DNAAF4: variants seen among roughly 807,000 people sequenced by gnomAD.
The protein encoded by DNAAF4 is dynein axonemal assembly factor 4.
In DNAAF4, 43 loss-of-function variants were observed where a neutral mutation model predicts 51.8. That is an observed-to-expected ratio of 0.83 (90% CI 0.65 to 1.07). The LOEUF (loss-of-function observed/expected upper bound fraction) is 1.07. Among genes scored for constraint, DNAAF4 ranks in the 50% least tolerant of loss-of-function variants. DNAAF4 has a pLI of 0.00. For synonymous variants in DNAAF4, 194 were observed against 165.6 expected, an observed-to-expected ratio of 1.17 and a Z score of -1.32; for missense variants, 581 against 493.0, an observed-to-expected ratio of 1.18 and a Z score of -1.69.
chr15:55,493,678 T>C (rs1460301695), intron 3 of DNAAF4, among the ~76,000 whole-genome samples: 2 of 152,108 alleles, frequency 1.3e-5, no homozygotes, highest in African/African-American at 4.8e-5. Context: ...AAATAAATAA[T>C]CCCACTGAAT....
intron 1 of DNAAF4, among the ~76,000 whole-genome samples, chr15:55,499,353 C>A (rs1279804971): frequency 6.6e-6 from 1 of 152,184 alleles, no homozygotes; most frequent in African/African-American, 2.4e-5. Flanking sequence ...ATCAACCAAT[C>A]AGAACTAAGT....
Position 55,489,046 on chromosome 15 carries a change from G to A in DNAAF4, c.405+2077C>T, listed in dbSNP as rs144184815. On this transcript the variant is annotated intron_variant, in intron 4 of 9. Coordinates refer to ENST00000321149, the MANE Select transcript of DNAAF4 (RefSeq NM_130810.4). ...AGAGCTTGCAGTGAGCTGAGATTGC[G>A]CCGCTGCACTCCAGCCTGGGCGACT... Among the ~76,000 whole-genome samples the A allele has an allele frequency of 2.4e-4, 37 of 151,084 alleles. 1 individual carries two copies. Among genetic ancestry groups the A allele is most frequent in the Middle Eastern group, 3.4e-3 (1 of 294 alleles).
At chr15:55,426,316 G>C (rs1306858222), downstream of DNAAF4, among the ~76,000 whole-genome samples, 1 of 152,178 alleles carries the variant, frequency 6.6e-6, no homozygotes, top group Non-Finnish European at 1.5e-5. Context: ...TTCTAATCTT[G>C]TGGCTAATTT....
rs1050078111 is a variant in DNAAF4 at position 55,430,590 on chromosome 15, A to G, written c.*80T>C. 2 of 1,518,508 alleles carry G rather than the reference A, an allele frequency of 1.3e-6. 1 individual carries two copies. The highest frequency in any genetic ancestry group is 4.8e-5 in the East Asian group (2 of 41,964). The allele number at this position is 1,518,508 out of a possible 1,614,324, so 94.1% of individuals were successfully genotyped here. A position where few individuals can be genotyped will look rare whatever the true frequency, so the allele number is the denominator to read the frequency against. ...TACTAAACAGAAAGCGATTCTGTAC[A>G]ACTGGCCATAATATGTACAAAGATG... On this transcript the variant is annotated 3_prime_UTR_variant, in exon 10 of 10. Transcript: ENST00000321149.
chr15:55,432,238 T>C (rs1327985325), intron 9 of DNAAF4, among the ~76,000 whole-genome samples: 1 of 152,126 alleles, frequency 6.6e-6, no homozygotes, highest in African/African-American at 2.4e-5. Context: ...GGCATGAGCA[T>C]CTGCACCCAG....
chr15:55,418,236 C>T, intron 7 of DNAAF4: 3 of 1,567,594 alleles, frequency 1.9e-6, no homozygotes, highest in Middle Eastern at 1.7e-4. Flanking sequence ...AAGAAAAGTA[C>T]TTCACCTTCA....
intron 4 of DNAAF4, among the ~76,000 whole-genome samples, chr15:55,485,994 CAAA>C (rs55936805): frequency 7.7e-5 from 6 of 77,710 alleles, no homozygotes; most frequent in African/African-American, 1.3e-4. Context: ...GACTCCATCT[CAAA>C]AAAAAAAAAA....
At chr15:55,433,610 A>G (rs1437283862) in intron 8 of DNAAF4, among the ~76,000 whole-genome samples, 56 of 133,136 alleles carry the variant, frequency 4.2e-4, no homozygotes, top group African/African-American at 1.6e-3. Context: ...TGGGCAACAG[A>G]GCAAGACCTC....
intron 5 of DNAAF4, among the ~76,000 whole-genome samples, chr15:55,454,108 G>A (rs888320747): frequency 2.6e-5 from 4 of 151,600 alleles, no homozygotes; most frequent in African/African-American, 7.3e-5. Flanking sequence ...CAAGATCAGC[G>A]TGGCCAATAT....
intron 7 of DNAAF4, among the ~76,000 whole-genome samples, chr15:55,435,678 G>A (rs1053384597): frequency 6.6e-6 from 1 of 152,146 alleles, no homozygotes; most frequent in Non-Finnish European, 1.5e-5. Context: ...GGGTTTTTTG[G>A]TTACTTGCAA....
intron 1 of DNAAF4, among the ~76,000 whole-genome samples, chr15:55,506,488 C>G (rs2058727838): frequency 6.6e-6 from 1 of 152,132 alleles, no homozygotes; most frequent in African/African-American, 2.4e-5. Flanking sequence ...AGCATCCACC[C>G]TCTTAATTCT....
At chr15:55,468,290 A>G (rs1028354334) in intron 4 of DNAAF4, among the ~76,000 whole-genome samples, 1 of 152,200 alleles carries the variant, frequency 6.6e-6, no homozygotes, top group African/African-American at 2.4e-5. Flanking sequence ...TAATATCTAC[A>G]TGACATAATA....
intron 5 of DNAAF4, among the ~76,000 whole-genome samples, chr15:55,461,137 C>G (rs1057345236): frequency 2.6e-5 from 4 of 151,518 alleles, no homozygotes; most frequent in African/African-American, 7.3e-5. Flanking sequence ...GGTGCAGTCT[C>G]GGCTCACTGC....
intron 5 of DNAAF4, among the ~76,000 whole-genome samples, chr15:55,458,925 A>T (rs780894239): frequency 2.0e-5 from 3 of 151,892 alleles, no homozygotes; most frequent in Non-Finnish European, 4.4e-5. Flanking sequence ...AAAATACAAA[A>T]ATCAGCCAGG....
chr15:55,456,082 CTTT>C (rs772918466), intron 5 of DNAAF4, among the ~76,000 whole-genome samples: 3 of 141,356 alleles, frequency 2.1e-5, no homozygotes, highest in Non-Finnish European at 1.6e-5. Flanking sequence ...CTAAATATTT[CTTT>C]TTTTTTTTTT....
chr15:55,494,982 T>C (rs1449983682), intron 3 of DNAAF4: 3 of 152,122 alleles, frequency 2.0e-5, no homozygotes, highest in Admixed American at 6.5e-5. Flanking sequence ...AGAGACCATA[T>C]GGCCTGTGAA....
At chr15:55,473,297 GTATA>G (rs1369798691) in intron 4 of DNAAF4, among the ~76,000 whole-genome samples, 2 of 133,576 alleles carry the variant, frequency 1.5e-5, no homozygotes, top group Non-Finnish European at 3.2e-5. Flanking sequence ...ATATATATGT[GTATA>G]TATATGTGTG....
At chr15:55,428,850 G>A (rs904595337), downstream of DNAAF4, among the ~76,000 whole-genome samples, 23 of 151,934 alleles carry the variant, frequency 1.5e-4, no homozygotes, top group African/African-American at 5.1e-4. Context: ...GCCACCTCTA[G>A]CAGTGTCTCT....
At chr15:55,474,039 C>T (rs999443335) in intron 4 of DNAAF4, among the ~76,000 whole-genome samples, 5 of 151,976 alleles carry the variant, frequency 3.3e-5, no homozygotes, top group African/African-American at 1.2e-4. Flanking sequence ...ATATTTCCAG[C>T]AAAATCACTA....
Sources: gnomAD v4.1 joint callset for allele counts (sites outside exome capture counted in the v4.1 genomes callset) on GRCh38, gnomAD v4.1.1 for gene constraint, MANE v1.5 for transcripts, NCBI Gene and HGNC (gene_info 2026-07-23, HGNC 2026-07-21) for gene names.